DCUN1D3: variants seen among roughly 807,000 people sequenced by gnomAD.
DCUN1D3 encodes the protein DCN1-like protein 3.
In DCUN1D3, 6 loss-of-function variants were observed where a neutral mutation model predicts 24.8. That is an observed-to-expected ratio of 0.24 (90% confidence interval 0.13 to 0.48). The LOEUF is 0.48. DCUN1D3 is among the 20% of genes least tolerant of loss of function. DCUN1D3 has a pLI of 0.99. For missense variants in DCUN1D3, 258 were observed against 379.4 expected (o/e 0.68, Z 2.66); for synonymous variants, 120 against 144.9 (o/e 0.83, Z 1.24).
At chr16:20,879,069 C>T (rs1291508182) in intron 1 of DCUN1D3, among the ~76,000 whole-genome samples, 2 of 152,166 alleles carry the variant, frequency 1.3e-5, no homozygotes, top group Admixed American at 1.3e-4. Flanking sequence ...ATAGCAACAC[C>T]GGTGACTTTT....
At chr16:20,897,509 G>C (rs2081921211) in intron 1 of DCUN1D3, among the ~76,000 whole-genome samples, 1 of 152,140 alleles carries the variant, frequency 6.6e-6, no homozygotes, top group Non-Finnish European at 1.5e-5. Context: ...AGAAGGATCA[G>C]ACAAGAGTGG....
chr16:20,889,313 A>T (rs2081881392), intron 1 of DCUN1D3, among the ~76,000 whole-genome samples: 1 of 151,966 alleles, frequency 6.6e-6, no homozygotes, highest in Non-Finnish European at 1.5e-5. Flanking sequence ...AATCGCTTGA[A>T]CCTGGGAGGG....
intron 1 of DCUN1D3, chr16:20,896,345 T>C (rs1596642958): frequency 1.3e-5 from 2 of 152,352 alleles, no homozygotes; most frequent in Middle Eastern, 6.8e-3. Context: ...ACTGGCTTTC[T>C]AGGTTGCCCA....
At chr16:20,872,734 G>GA (rs557181699) in intron 1 of DCUN1D3, among the ~76,000 whole-genome samples, 4 of 150,812 alleles carry the variant, frequency 2.7e-5, no homozygotes, top group African/African-American at 4.9e-5. Context: ...GAGGCATAAA[G>GA]AAAAAAAAAG....
At chr16:20,889,455 T>G (rs2081882228) in intron 1 of DCUN1D3, among the ~76,000 whole-genome samples, 1 of 152,158 alleles carries the variant, frequency 6.6e-6, no homozygotes, top group South Asian at 2.1e-4. Flanking sequence ...AGTCTAGACC[T>G]AATGCACCTT....
chr16:20,869,300 ACT>A (rs2152516754), intron 1 of DCUN1D3, among the ~76,000 whole-genome samples: 1 of 152,340 alleles, frequency 6.6e-6, no homozygotes, highest in African/African-American at 2.4e-5. Context: ...TCACACTGAG[ACT>A]CTGTACAAAT....
At chr16:20,874,255 C>T (rs2081803425) in intron 1 of DCUN1D3, among the ~76,000 whole-genome samples, 1 of 152,204 alleles carries the variant, frequency 6.6e-6, no homozygotes, top group South Asian at 2.1e-4. Flanking sequence ...AGCTGAACAA[C>T]AGGACCAATG....
intron 1 of DCUN1D3, among the ~76,000 whole-genome samples, chr16:20,874,307 G>A (rs1460329408): frequency 1.3e-5 from 2 of 152,204 alleles, no homozygotes; most frequent in Non-Finnish European, 2.9e-5. Flanking sequence ...TTATAACTAC[G>A]TGGACCAGTA....
Position 20,860,413 on chromosome 16 carries a change from C to A in DCUN1D3, c.432-44G>T. 2 of 1,569,056 alleles carry A rather than the reference C, an allele frequency of 1.3e-6. No homozygotes were observed. The highest frequency in any genetic ancestry group is 1.8e-5 in the Admixed American group (1 of 55,714). On this transcript the variant is annotated intron_variant, in intron 2 of 2. Transcript: ENST00000324344. The surrounding 1 kb of genome is among the most constrained non-coding windows in gnomAD (Gnocchi z 4.3). ...GGACAATTAATCATTATAAACTATA[C>A]TATTTACAGGCAATATACATAGTGA...
rs1306069348 is a variant in DCUN1D3 at position 20,856,822 on chromosome 16, C to T, written c.*3064G>A. 1 of 152,174 alleles carries T rather than the reference C, an allele frequency of 6.6e-6. No individual in the cohort carries two copies. The highest frequency in any genetic ancestry group is 2.4e-5 in the African/African-American group (1 of 41,424). The allele number at this position is 152,174 out of a possible 1,614,324, so 9.4% of individuals were successfully genotyped here. A position where few individuals can be genotyped will look rare whatever the true frequency, so the allele number is the denominator to read the frequency against. ...GAAACATCACAAAAGCTGACAAAGCCAGTTGTCAAAACTGAGTTATTTCTT... is the reference window on the plus strand; with the variant it reads ...GAAACATCACAAAAGCTGACAAAGCTAGTTGTCAAAACTGAGTTATTTCTT... On this transcript the variant is annotated 3_prime_UTR_variant, in exon 3 of 3. Coordinates refer to ENST00000324344, the MANE Select transcript of DCUN1D3 (RefSeq NM_173475.4).
intron 1 of DCUN1D3, among the ~76,000 whole-genome samples, chr16:20,881,407 AAAAT>A (rs926015409): frequency 6.0e-4 from 91 of 152,308 alleles, no homozygotes; most frequent in African/African-American, 2.1e-3. Context: ...ATCCTGTCTC[AAAAT>A]AAATAATCTA....
At position 20,859,069 on chromosome 16, in the gene DCUN1D3, C is replaced by T. The variant is rs1196255141; in HGVS notation, c.*817G>A. On this transcript the variant is annotated 3_prime_UTR_variant, in exon 3 of 3. Coordinates refer to ENST00000324344, the MANE Select transcript of DCUN1D3 (RefSeq NM_173475.4). ...TACTTCCAGCAAAACTGAGGTAGCA[C>T]TGCTTTCTCCGCATTCAATGCTTAA... The T allele has an allele frequency of 6.6e-6, 1 of 152,490 alleles. No homozygotes were observed. Among genetic ancestry groups the T allele is most frequent in the African/African-American group, 2.4e-5 (1 of 41,390 alleles). 9.4% of individuals were successfully genotyped at this position (152,490 alleles called of 1,614,324 possible).
chr16:20,883,565 T>C (rs987609766), intron 1 of DCUN1D3, among the ~76,000 whole-genome samples: 7 of 152,234 alleles, frequency 4.6e-5, no homozygotes, highest in Non-Finnish European at 1.0e-4. Flanking sequence ...AAAATTCTTT[T>C]GCTTAAGCTG....
intron 1 of DCUN1D3, among the ~76,000 whole-genome samples, chr16:20,887,119 G>A (rs1287205580): frequency 6.6e-6 from 1 of 152,160 alleles, no homozygotes; most frequent in Non-Finnish European, 1.5e-5. Context: ...TTCAAGACCA[G>A]CCTGGCCAAC....
rs1382975012 is a variant in DCUN1D3, at chr16:20,856,680, GC to G, written c.*3205del. 1 of 152,164 alleles carries G rather than the reference GC, an allele frequency of 6.6e-6. No homozygotes were observed. Among genetic ancestry groups the G allele is most frequent in the East Asian group, 1.9e-4 (1 of 5,204 alleles). The allele number at this position is 152,164 out of a possible 1,614,324, so 9.4% of individuals were successfully genotyped here. A position where few individuals can be genotyped will look rare whatever the true frequency, so the allele number is the denominator to read the frequency against. On this transcript the variant is annotated 3_prime_UTR_variant, in exon 3 of 3. Transcript: ENST00000324344. Reference sequence around the variant, plus strand: ...AGACAACCAGCTGAAGCATAGCAAAGCCCCTTACAGGAGGTGGGGTTAAGAA... The same window carrying G: ...AGACAACCAGCTGAAGCATAGCAAAGCCCTTACAGGAGGTGGGGTTAAGAA...
intron 1 of DCUN1D3, among the ~76,000 whole-genome samples, chr16:20,871,178 G>A (rs927008483): frequency 6.6e-6 from 1 of 152,174 alleles, no homozygotes; most frequent in Non-Finnish European, 1.5e-5. Flanking sequence ...GAGCTACTTG[G>A]GAGGGAAAGT....
Position 20,859,771 on chromosome 16 carries a change from G to T in DCUN1D3, c.*115C>A. The T allele has an allele frequency of 7.4e-7, 1 of 1,354,134 alleles. No homozygotes were observed. Among genetic ancestry groups the T allele is most frequent in the Non-Finnish European group, 9.9e-7 (1 of 1,013,058 alleles). The allele number at this position is 1,354,134 out of a possible 1,614,324, so 83.9% of individuals were successfully genotyped here. A position where few individuals can be genotyped will look rare whatever the true frequency, so the allele number is the denominator to read the frequency against. On this transcript the variant is annotated 3_prime_UTR_variant, in exon 3 of 3. Transcript: ENST00000324344. ...AGAGCCCTTTCAGATACAAGGCAGA[G>T]AAAGGTGTAAAGTAGAAAATATCCG...
In DCUN1D3 at chr16:20,862,474, C is replaced by T. The variant is rs549170536; in HGVS notation, c.65G>A (p.Arg22His). ...SSTLGSKNGD[R>H]EPSNKSHSRR... is the part of the protein sequence containing the mutation. ...GCTATGTGACTTGTTGCTGGGCTCA[C>T]GGTCTCCATTTTTGCTGCCCAGGGT... The change falls in exon 2 of 3, where the codon CGT becomes CAT. Residue 22 changes from arginine (R) to histidine (H), a missense_variant. Coordinates refer to ENST00000324344, the MANE Select transcript of DCUN1D3 (RefSeq NM_173475.4). The T allele has an allele frequency of 2.7e-5, 43 of 1,612,272 alleles. No individual in the cohort carries two copies. In the South Asian group the frequency reaches 3.2e-4, roughly 12 times the overall value.
At chr16:20,887,039 C>A (rs1380619743) in intron 1 of DCUN1D3, among the ~76,000 whole-genome samples, 2 of 152,118 alleles carry the variant, frequency 1.3e-5, no homozygotes, top group Non-Finnish European at 2.9e-5. Context: ...GTAGGCTGGG[C>A]GCTGTGGCTC....
Sources: allele counts gnomAD v4.1 joint callset (sites outside exome capture counted in the v4.1 genomes callset), GRCh38; gene constraint gnomAD v4.1.1; non-coding constraint Gnocchi (gnomAD v3.1); transcripts MANE v1.5; gene names NCBI Gene and HGNC (gene_info 2026-07-23, HGNC 2026-07-21).